NIBAN1: variants seen among roughly 807,000 people sequenced by gnomAD.
NIBAN1 encodes niban apoptosis regulator 1, also known as protein Niban 1.
Under a neutral mutation model 75.1 loss-of-function variants are expected in NIBAN1, and 81 were observed. The observed-to-expected ratio is 1.08, with a 90% CI of 0.90 to 1.30. The LOEUF (loss-of-function observed/expected upper bound fraction) is 1.30, where lower values mean the gene tolerates loss of function less well. Ranked by LOEUF, NIBAN1 falls within the 50% of genes most tolerant of loss-of-function variation. The pLI is 0.00. For missense variants in NIBAN1, 1,133 were observed against 1,128.1 expected, an observed-to-expected ratio of 1.00 and a Z score of -0.06; for synonymous variants, 436 against 424.8, an observed-to-expected ratio of 1.03 and a Z score of -0.32.
chr1:184,805,628 C>A (rs971014222), intron 11 of NIBAN1, among the ~76,000 whole-genome samples: 3 of 152,134 alleles, frequency 2.0e-5, no homozygotes, highest in African/African-American at 7.2e-5. Flanking sequence ...CTGTGCCTTG[C>A]CTACTTTTAC....
intron 2 of NIBAN1, among the ~76,000 whole-genome samples, chr1:184,898,526 G>T (rs144548355): frequency 2.0e-5 from 3 of 152,148 alleles, no homozygotes; most frequent in Admixed American, 6.5e-5. Context: ...TGAGGCAGGA[G>T]AATCACTTGA....
intron 1 of NIBAN1, among the ~76,000 whole-genome samples, chr1:184,915,938 G>T (rs1247781080): frequency 3.9e-5 from 6 of 152,182 alleles, no homozygotes; most frequent in African/African-American, 7.2e-5. Flanking sequence ...ATATGCTGTT[G>T]TTTCAAGGAG....
chr1:184,823,869 AGT>A, intron 6 of NIBAN1, 127 bp from the exon 7 acceptor site: 9 of 674,680 alleles, frequency 1.3e-5, no homozygotes, highest in Non-Finnish European at 1.8e-5. Flanking sequence ...GTAGGTTAAT[AGT>A]TTAACCTACT....
chr1:184,868,860 TA>T (rs1200475299), intron 5 of NIBAN1, among the ~76,000 whole-genome samples: 6 of 152,180 alleles, frequency 3.9e-5, no homozygotes, highest in Non-Finnish European at 7.3e-5. Context: ...TGCTTGGCTT[TA>T]AAATCTTGTC....
intron 1 of NIBAN1, among the ~76,000 whole-genome samples, chr1:184,948,876 C>G (rs1658292982): frequency 2.6e-5 from 4 of 152,052 alleles, no homozygotes; most frequent in Admixed American, 2.6e-4. Flanking sequence ...ACTTATATTA[C>G]TTAACAACAG....
intron 8 of NIBAN1, among the ~76,000 whole-genome samples, chr1:184,822,463 C>T (rs1225536155): frequency 6.6e-6 from 1 of 152,174 alleles, no homozygotes; most frequent in Non-Finnish European, 1.5e-5. Flanking sequence ...AATGAATGTG[C>T]CTGGCTGTGT....
At chr1:184,831,743 T>A (rs757184896) in intron 6 of NIBAN1, 104 bp downstream of exon 6, 43 of 807,688 alleles carry the variant, frequency 5.3e-5, no homozygotes, top group Non-Finnish European at 8.2e-5. Context: ...ACATCTTCCA[T>A]ACTTGCAACT....
intron 1 of NIBAN1, among the ~76,000 whole-genome samples, chr1:184,963,476 C>T (rs1377461496): frequency 1.3e-5 from 2 of 152,022 alleles, no homozygotes; most frequent in Non-Finnish European, 2.9e-5. Flanking sequence ...GAATTGAAAA[C>T]TGTCAAATTT....
intron 8 of NIBAN1, chr1:184,821,511 T>C (rs1462120392): frequency 2.0e-5 from 3 of 152,218 alleles, no homozygotes; most frequent in African/African-American, 7.2e-5. Context: ...TAAAAAGACT[T>C]GATCATTACT....
intron 6 of NIBAN1, among the ~76,000 whole-genome samples, chr1:184,830,957 G>T (rs939409954): frequency 1.3e-5 from 2 of 149,118 alleles, no homozygotes. Context: ...CTGAGATTGC[G>T]CCACTGTACT....
intron 1 of NIBAN1, among the ~76,000 whole-genome samples, chr1:184,949,259 G>C (rs1012888153): frequency 6.6e-6 from 1 of 152,188 alleles, no homozygotes; most frequent in Non-Finnish European, 1.5e-5. Flanking sequence ...GTGGGAGGCT[G>C]AGGCAGGAGA....
At chr1:184,878,973 A>G (rs1348702526) in intron 5 of NIBAN1, among the ~76,000 whole-genome samples, 1 of 152,146 alleles carries the variant, frequency 6.6e-6, no homozygotes, top group African/African-American at 2.4e-5. Context: ...CTAAGTAAAA[A>G]CCACATACTC....
chr1:184,974,214 G>A, intron 1 of NIBAN1, 88 bp downstream of exon 1: 1 of 1,326,130 alleles, frequency 7.5e-7, no homozygotes, highest in Admixed American at 3.9e-5. Context: ...GAGAGGGCCC[G>A]GGGCGCGCCC....
intron 4 of NIBAN1, among the ~76,000 whole-genome samples, chr1:184,889,243 T>G (rs1656606715): frequency 6.6e-6 from 1 of 152,194 alleles, no homozygotes; most frequent in African/African-American, 2.4e-5. Flanking sequence ...AGGTTAGACC[T>G]AGAAAGACCC....
At chr1:184,840,513 T>A (rs1370260660) in intron 5 of NIBAN1, among the ~76,000 whole-genome samples, 2 of 152,060 alleles carry the variant, frequency 1.3e-5, no homozygotes, top group African/African-American at 2.4e-5. Context: ...ATGGTGTTTC[T>A]AGTAAAGACA....
At chr1:184,802,081 A>G (rs1447004271) in intron 12 of NIBAN1, among the ~76,000 whole-genome samples, 1 of 152,224 alleles carries the variant, frequency 6.6e-6, no homozygotes, top group Admixed American at 6.5e-5. Context: ...TATAGAACCA[A>G]GGGAAATGCA....
rs1450156824 is a variant in NIBAN1, at chr1:184,968,218, A to T, written c.55+6084T>A. Among the ~76,000 whole-genome samples the T allele has an allele frequency of 5.5e-4, 5 of 9,110 alleles. 2 individuals carry two copies. Among genetic ancestry groups the T allele is most frequent in the East Asian group, 5.2e-3 (5 of 962 alleles). 6.0% of individuals were successfully genotyped at this position (9,110 alleles called of 152,430 possible). A position where few individuals can be genotyped will look rare whatever the true frequency, so the allele number is the denominator to read the frequency against. On this transcript the variant is annotated intron_variant, in intron 1 of 13. Transcript: ENST00000367511. ...GAGCGAGACTCCGTCTCAAAAAAAA[A>T]AAAAAAAAAAGAAATCACAACTCAC...
chr1:184,953,210 G>C (rs1048985418), intron 1 of NIBAN1, among the ~76,000 whole-genome samples: 3 of 152,132 alleles, frequency 2.0e-5, no homozygotes, highest in African/African-American at 7.2e-5. Context: ...CTTTGTAGTG[G>C]AAGAAACCAA....
intron 1 of NIBAN1, among the ~76,000 whole-genome samples, chr1:184,922,002 G>A (rs559076201): frequency 6.6e-6 from 1 of 152,120 alleles, no homozygotes; most frequent in Non-Finnish European, 1.5e-5. Flanking sequence ...ATACAAATGT[G>A]AATTACACGC....
Sources: allele counts gnomAD v4.1 joint callset (sites outside exome capture counted in the v4.1 genomes callset), GRCh38; gene constraint gnomAD v4.1.1; transcripts MANE v1.5; gene names NCBI Gene and HGNC (gene_info 2026-07-23, HGNC 2026-07-21).